Variants in ANO1 observed in about 807,000 individuals in gnomAD.
ANO1 encodes the protein anoctamin-1.
Under a neutral mutation model 124.0 loss-of-function variants are expected in ANO1, and 59 were observed. The ratio of observed to expected loss-of-function variants is 0.48; its 90% CI spans 0.39 to 0.59. ANO1 has a LOEUF of 0.59. Among genes scored for constraint, ANO1 ranks in the 20% least tolerant of loss-of-function variants. ANO1 has a pLI of 0.00. For missense variants in ANO1, 1,059 were observed against 1,328.0 expected, an observed-to-expected ratio of 0.80 and a Z score of 3.15; for synonymous variants, 529 against 532.0, an observed-to-expected ratio of 0.99 and a Z score of 0.08.
the ANO1 span, among the ~76,000 whole-genome samples, chr11:69,972,423 A>G: frequency 6.6e-6 from 1 of 152,108 alleles, no homozygotes; most frequent in African/African-American, 2.4e-5. Flanking sequence ...CATCAACTCA[A>G]TGATGAGACA....
chr11:70,012,201 TC>T (rs1417092429), intron 1 of ANO1, among the ~76,000 whole-genome samples: 5 of 152,014 alleles, frequency 3.3e-5, no homozygotes, highest in African/African-American at 1.2e-4. Flanking sequence ...TATCTATCTA[TC>T]CATTCATCCA....
intron 11 of ANO1, 150 bp from the exon 12 acceptor site, chr11:70,149,560 A>G: frequency 1.4e-6 from 1 of 707,262 alleles, no homozygotes; most frequent in East Asian, 2.8e-5. Flanking sequence ...CTGAGGAAGG[A>G]GAATCGCTTG....
chr11:70,167,649 G>A (rs1049201161), intron 21 of ANO1, among the ~76,000 whole-genome samples: 2 of 151,962 alleles, frequency 1.3e-5, no homozygotes, highest in African/African-American at 4.8e-5. Flanking sequence ...CCCTAGGCAC[G>A]GTCCCCAAGC....
chr11:70,180,113 C>T, intron 23 of ANO1, 57 bp downstream of exon 23: 1 of 1,524,758 alleles, frequency 6.6e-7, no homozygotes, highest in African/African-American at 1.4e-5. Context: ...TGCCAGGTGG[C>T]CGGGGCCCTG....
At chr11:70,104,966 G>A (rs999754302) in intron 4 of ANO1, among the ~76,000 whole-genome samples, 6 of 152,100 alleles carry the variant, frequency 3.9e-5, no homozygotes, top group African/African-American at 1.2e-4. Flanking sequence ...TTCCTAGAGC[G>A]GACAGGACAT....
At position 70,137,555 on chromosome 11, in the gene ANO1, G is replaced by A. The variant is rs1172574900; in HGVS notation, c.1258+5476G>A. Among the ~76,000 whole-genome samples the A allele has an allele frequency of 2.8e-5, 4 of 145,416 alleles. 1 individual carries two copies. The highest frequency in any genetic ancestry group is 4.6e-5 in the Non-Finnish European group (3 of 65,398). On this transcript the variant is annotated intron_variant, in intron 11 of 25. Transcript: ENST00000355303. Reference sequence around the variant, plus strand: ...GAGGCTGTGACTCCCCAGCCTCCTGGTGCCCCAGCTCCAGGCTGGGAAGAT... The same window carrying A: ...GAGGCTGTGACTCCCCAGCCTCCTGATGCCCCAGCTCCAGGCTGGGAAGAT...
chr11:70,069,976 T>A (rs1555009110), intron 1 of ANO1, among the ~76,000 whole-genome samples: 2 of 152,164 alleles, frequency 1.3e-5, no homozygotes, highest in African/African-American at 2.4e-5. Context: ...ATGACACGGA[T>A]CTTTGGATTT....
At chr11:70,149,992 G>A (rs1590863002) in intron 12 of ANO1, 200 bp downstream of exon 12, 1 of 683,788 alleles carries the variant, frequency 1.5e-6, no homozygotes, top group South Asian at 1.5e-5. Context: ...CATGGCCAAA[G>A]TGACCACTCC....
chr11:70,115,816 A>G (rs1220494300), intron 7 of ANO1, among the ~76,000 whole-genome samples: 1 of 152,140 alleles, frequency 6.6e-6, no homozygotes, highest in Non-Finnish European at 1.5e-5. Flanking sequence ...AGCCATAGGC[A>G]GTCTAGACCC....
intron 1 of ANO1, among the ~76,000 whole-genome samples, chr11:70,021,733 G>T (rs1450959470): frequency 6.6e-6 from 1 of 152,166 alleles, no homozygotes; most frequent in Non-Finnish European, 1.5e-5. Context: ...TCGGGAGCCA[G>T]GCTCTTGCCC....
At chr11:70,117,133 C>T (rs1360735360) in intron 8 of ANO1, among the ~76,000 whole-genome samples, 4 of 119,374 alleles carry the variant, frequency 3.4e-5, no homozygotes, top group Non-Finnish European at 4.9e-5. Flanking sequence ...GAGTTGGAGT[C>T]GCACTTTGTC....
intron 1 of ANO1, among the ~76,000 whole-genome samples, chr11:70,010,156 T>TGTGTGTGC (rs1555000782): frequency 1.5e-5 from 1 of 64,598 alleles, no homozygotes; most frequent in African/African-American, 5.6e-5. Context: ...TGTGTGTGTG[T>TGTGTGTGC]GTGTGTGTGC....
intron 1 of ANO1, among the ~76,000 whole-genome samples, chr11:70,002,758 G>A (rs554705648): frequency 1.1e-4 from 16 of 152,306 alleles, no homozygotes; most frequent in South Asian, 4.1e-4. Context: ...CATGGGTGCC[G>A]TCGAGCACTT....
Position 70,018,889 on chromosome 11 carries a change from G to A in ANO1, c.58+32723G>A, listed in dbSNP as rs79044926. On this transcript the variant is annotated intron_variant, in intron 1 of 27. Coordinates refer to the ANO1 transcript ENST00000531349. ...AGTGCTGGGCATGGAGCTCAGTACCGGGGACATGGCCAAAAATAGGCAGCC... is the reference window on the plus strand; with the variant it reads ...AGTGCTGGGCATGGAGCTCAGTACCAGGGACATGGCCAAAAATAGGCAGCC... Among the ~76,000 whole-genome samples the A allele has an allele frequency of 2.7e-3, 405 of 152,322 alleles. 3 individuals carry two copies. The highest frequency in any genetic ancestry group is 6.1e-3 in the Admixed American group (93 of 15,304).
chr11:70,009,634 G>T (rs979992097), intron 1 of ANO1, among the ~76,000 whole-genome samples: 1 of 152,150 alleles, frequency 6.6e-6, no homozygotes, highest in South Asian at 2.1e-4. Context: ...TTGGCTCATG[G>T]TTTCAATGGT....
intron 1 of ANO1, among the ~76,000 whole-genome samples, chr11:70,012,717 TTCCA>T (rs571032856): frequency 9.3e-5 from 14 of 150,194 alleles, no homozygotes; most frequent in Non-Finnish European, 1.9e-4. Flanking sequence ...CCATCCATTA[TTCCA>T]TCCATCCATC....
chr11:70,167,981 G>A (rs1197484567), intron 21 of ANO1, among the ~76,000 whole-genome samples: 5 of 152,188 alleles, frequency 3.3e-5, no homozygotes, highest in Non-Finnish European at 5.9e-5. Flanking sequence ...GTGGGCTGGC[G>A]ACAGCTGCCC....
intron 1 of ANO1, among the ~76,000 whole-genome samples, chr11:70,062,615 T>C (rs112401873): frequency 0.026 from 4,022 of 152,248 alleles, 84 homozygotes; most frequent in African/African-American, 0.056. Context: ...CCCCCTCCCC[T>C]GGACTACCAT....
intron 11 of ANO1, among the ~76,000 whole-genome samples, chr11:70,145,101 G>A (rs1319869523): frequency 6.6e-6 from 1 of 152,208 alleles, no homozygotes. Flanking sequence ...GAGGGCTCAG[G>A]AGCAGGAGAA....
Sources: allele counts gnomAD v4.1 joint callset (sites outside exome capture counted in the v4.1 genomes callset), GRCh38; gene constraint gnomAD v4.1.1; transcripts MANE v1.5; gene names NCBI Gene and HGNC (gene_info 2026-07-23, HGNC 2026-07-21).